Variants in PALLD observed in about 807,000 individuals in gnomAD.
The protein encoded by PALLD is palladin.
PALLD carries 61 observed loss-of-function variants against 123.5 expected under a neutral mutation model. The observed-to-expected ratio is 0.49, with a 90% CI of 0.40 to 0.61. PALLD has a LOEUF of 0.61. Among genes scored for constraint, PALLD ranks in the 20% least tolerant of loss-of-function variants. The pLI is 0.00. For missense variants in PALLD, 1,273 were observed against 1,377.0 expected, an observed-to-expected ratio of 0.92 and a Z score of 1.20; for synonymous variants, 465 against 496.4, an observed-to-expected ratio of 0.94 and a Z score of 0.84.
At chr4:168,839,760 G>T (rs1561585625) in intron 10 of PALLD, among the ~76,000 whole-genome samples, 2 of 152,182 alleles carry the variant, frequency 1.3e-5, no homozygotes, top group African/African-American at 2.4e-5. Flanking sequence ...TGCCATTCTG[G>T]GAGGAGATCT....
rs938218068 is a variant in PALLD, at chr4:168,517,303, C to T, written c.908+4891C>T. On this transcript the variant is annotated intron_variant, in intron 2 of 21. Coordinates refer to ENST00000505667, the MANE Select transcript of PALLD (RefSeq NM_001166108.2). The stretch of plus-strand genomic sequence containing the variant: ...GTCAAAAAAAACTTTTAAACACCCA[C>T]TTATTGTAGTAAAAGTGGAATCCAG... Among the ~76,000 whole-genome samples the T allele has an allele frequency of 1.3e-5, 2 of 152,242 alleles. 1 individual carries two copies. The highest frequency in any genetic ancestry group is 6.8e-3 in the Middle Eastern group (2 of 294).
chr4:168,528,659 G>T (rs1764299774), intron 2 of PALLD, among the ~76,000 whole-genome samples: 1 of 152,126 alleles, frequency 6.6e-6, no homozygotes, highest in African/African-American at 2.4e-5. Flanking sequence ...ATGTGTCTGG[G>T]ATTATTAACA....
chr4:168,903,890 T>C lies in PALLD; in HGVS notation c.2606T>C (p.Met869Thr), dbSNP rs1018273720. The C allele has an allele frequency of 1.2e-6, 2 of 1,614,124 alleles. No individual in the cohort carries two copies. The highest frequency in any genetic ancestry group is 1.1e-5 in the South Asian group (1 of 91,090). ...GATGATGATGGGAATTATACAATTATGGCTGCAAACCCTCAGGTAAAGAAG... is the reference window on the plus strand; with the variant it reads ...GATGATGATGGGAATTATACAATTACGGCTGCAAACCCTCAGGTAAAGAAG... ...TLDDDGNYTI[M>T]AANPQGRISC... Residue 869 changes from methionine (M) to threonine (T), a missense_variant, in exon 15 of 22, where the codon ATG (methionine) becomes ACG (threonine). Transcript: ENST00000505667.
At chr4:168,772,382 C>T (rs1455415803) in intron 10 of PALLD, among the ~76,000 whole-genome samples, 1 of 152,118 alleles carries the variant, frequency 6.6e-6, no homozygotes, top group East Asian at 1.9e-4. Flanking sequence ...GTACACCTCC[C>T]CTTACATGTA....
chr4:168,640,707 T>G (rs1776852642), intron 2 of PALLD, among the ~76,000 whole-genome samples: 1 of 152,266 alleles, frequency 6.6e-6, no homozygotes, highest in African/African-American at 2.4e-5. Flanking sequence ...CTTATCTCCA[T>G]TAGCGTAAGC....
intron 10 of PALLD, among the ~76,000 whole-genome samples, chr4:168,876,848 T>C (rs1751812457): frequency 6.6e-6 from 1 of 152,180 alleles, no homozygotes. Flanking sequence ...GGTCCCTATG[T>C]TTACCTCATG....
intron 2 of PALLD, among the ~76,000 whole-genome samples, chr4:168,664,204 T>G (rs781768637): frequency 3.1e-4 from 47 of 152,224 alleles, no homozygotes; most frequent in Non-Finnish European, 6.0e-4. Flanking sequence ...TGCAGAATGC[T>G]TTTCTGTACT....
chr4:168,649,236 G>A (rs1777794114), intron 2 of PALLD, among the ~76,000 whole-genome samples: 1 of 152,156 alleles, frequency 6.6e-6, no homozygotes, highest in Non-Finnish European at 1.5e-5. Context: ...ATAATCGCTG[G>A]CTGGTGTGAG....
At chr4:168,815,803 G>T (rs759334117) in intron 10 of PALLD, among the ~76,000 whole-genome samples, 2 of 152,190 alleles carry the variant, frequency 1.3e-5, no homozygotes, top group African/African-American at 2.4e-5. Context: ...AGGATATCCT[G>T]TATGTTTAGA....
At chr4:168,761,667 TTTTTTTTTTGTAG>T (rs1732944869) in intron 10 of PALLD, among the ~76,000 whole-genome samples, 1 of 83,028 alleles carries the variant, frequency 1.2e-5, no homozygotes, top group African/African-American at 4.1e-5. Flanking sequence ...TTTTTTTTTT[TTTTTTTTTTGTAG>T]TTTTTTGTTT....
At chr4:168,594,312 A>AG (rs1189830614) in intron 2 of PALLD, among the ~76,000 whole-genome samples, 2 of 152,222 alleles carry the variant, frequency 1.3e-5, no homozygotes, top group Non-Finnish European at 2.9e-5. Flanking sequence ...GATACAAGCA[A>AG]GGCATGTGAA....
chr4:168,503,242 T>C (rs1002782852), intron 1 of PALLD, among the ~76,000 whole-genome samples: 3 of 152,194 alleles, frequency 2.0e-5, no homozygotes, highest in Non-Finnish European at 2.9e-5. Context: ...AGAAACGCAA[T>C]GCAAAGTAAC....
At position 168,927,954 on chromosome 4, in the gene PALLD, T is replaced by C. The variant is rs568499819; in HGVS notation, c.*1774T>C. 2.0e-5 allele frequency: 4 copies of C among 198,280 alleles called. No homozygotes were observed. In the East Asian group the frequency reaches 3.2e-4, roughly 16 times the overall value. The allele number at this position is 198,280 out of a possible 1,614,324, so 12.3% of individuals were successfully genotyped here. On this transcript the variant is annotated 3_prime_UTR_variant, in exon 22 of 22. Coordinates refer to ENST00000505667, the MANE Select transcript of PALLD (RefSeq NM_001166108.2). The stretch of plus-strand genomic sequence containing the variant: ...GGCCTCTCTTAGCTCAGTTACTCAA[T>C]TCATACGTAGTATTTTTTAAAATAA...
intron 10 of PALLD, among the ~76,000 whole-genome samples, chr4:168,811,774 T>A (rs570687435): frequency 0.09 from 9,845 of 108,820 alleles, 980 homozygotes; most frequent in African/African-American, 0.29. Flanking sequence ...TCTCTCTCTC[T>A]CTCACACACA....
rs531224436 is a variant in PALLD at position 168,848,609 on chromosome 4, G to A, written c.1965-42313G>A. The stretch of plus-strand genomic sequence containing the variant: ...AGAGGGTTATTGTCAAACTTAGAAC[G>A]ATGCTAATTTGAGTTCTGAGCTCTA... On this transcript the variant is annotated intron_variant, in intron 10 of 21. Coordinates refer to ENST00000505667, the MANE Select transcript of PALLD (RefSeq NM_001166108.2). Among the ~76,000 whole-genome samples the A allele has an allele frequency of 7.2e-5, 11 of 152,294 alleles. No individual in the cohort carries two copies. In the South Asian group the frequency reaches 1.5e-3, roughly 20 times the overall value.
intron 10 of PALLD, among the ~76,000 whole-genome samples, chr4:168,752,060 C>A (rs1408011546): frequency 6.6e-6 from 1 of 152,214 alleles, no homozygotes; most frequent in Non-Finnish European, 1.5e-5. Context: ...TAGGAATTCA[C>A]AAGATCAGGC....
chr4:168,896,540 C>T lies in PALLD; in HGVS notation c.2200-9C>T, dbSNP rs1755215469. 6 of 1,456,066 alleles carry T rather than the reference C, an allele frequency of 4.1e-6. No homozygotes were observed. The African/African-American group carries it at 5.6e-5, about 14-fold the overall frequency. 90.2% of individuals were successfully genotyped at this position (1,456,066 alleles called of 1,614,324 possible). On this transcript the variant is annotated splice_polypyrimidine_tract_variant and intron_variant, in intron 12 of 21. Coordinates refer to ENST00000505667, the MANE Select transcript of PALLD (RefSeq NM_001166108.2). The stretch of plus-strand genomic sequence containing the variant: ...ATTAGTCTTCACATCTTTTTTTCTA[C>T]CATTACAGGACATTGGTTCTCCTCA...
At chr4:168,514,097 C>A (rs944446845) in intron 2 of PALLD, among the ~76,000 whole-genome samples, 6 of 150,104 alleles carry the variant, frequency 4.0e-5, no homozygotes, top group African/African-American at 1.5e-4. Flanking sequence ...GGTGACAGAG[C>A]GAGACTCTGT....
chr4:168,794,494 G>GCACACACACACGCACA (rs1165566171), intron 10 of PALLD, among the ~76,000 whole-genome samples: 5 of 135,762 alleles, frequency 3.7e-5, no homozygotes, highest in Non-Finnish European at 7.8e-5. Flanking sequence ...ACACATGCAC[G>GCACACACACACGCACA]CACACACACA....
Sources: gnomAD v4.1 joint callset for allele counts (sites outside exome capture counted in the v4.1 genomes callset) on GRCh38, gnomAD v4.1.1 for gene constraint, MANE v1.5 for transcripts, NCBI Gene and HGNC (gene_info 2026-07-23, HGNC 2026-07-21) for gene names.